Variants in PDIA6 observed in about 807,000 individuals in gnomAD.
PDIA6 encodes protein disulfide-isomerase A6.
PDIA6 carries 29 observed loss-of-function variants against 58.4 expected under a neutral mutation model. The ratio of observed to expected loss-of-function variants is 0.50; its 90% CI spans 0.37 to 0.68. The LOEUF (loss-of-function observed/expected upper bound fraction) is 0.68. Ranked by LOEUF, PDIA6 falls within the 30% of genes least tolerant of loss-of-function variation. The probability of loss-of-function intolerance (pLI) is 0.00; values close to 1 mark genes in which losing one functional copy is unlikely to be tolerated. For missense variants in PDIA6, 480 were observed against 551.0 expected, an observed-to-expected ratio of 0.87 and a Z score of 1.29; for synonymous variants, 192 against 202.6, an observed-to-expected ratio of 0.95 and a Z score of 0.44.
intron 1 of PDIA6, among the ~76,000 whole-genome samples, chr2:10,827,537 A>T (rs1667584600): frequency 6.6e-6 from 1 of 152,066 alleles, no homozygotes; most frequent in Non-Finnish European, 1.5e-5. Flanking sequence ...CAGAAGAAAT[A>T]TAAGGGCTGG....
At chr2:10,819,274 C>A (rs775446816) in exon 2 of PDIA6, 21 of 1,514,328 alleles carry the variant, frequency 1.4e-5, no homozygotes, top group Non-Finnish European at 1.9e-5. Flanking sequence ...CTCTACTTAC[C>A]GGGTGCATTA....
intron 1 of PDIA6, chr2:10,810,445 GT>G: frequency 7.3e-7 from 1 of 1,365,278 alleles, no homozygotes; most frequent in Non-Finnish European, 9.4e-7. Flanking sequence ...ACAGACCAGG[GT>G]TTTTCACCTT....
intron 8 of PDIA6, among the ~76,000 whole-genome samples, chr2:10,789,386 G>C (rs1665929914): frequency 6.6e-6 from 1 of 151,304 alleles, no homozygotes; most frequent in South Asian, 2.1e-4. Context: ...CTACCTCTCA[G>C]TGTTCATGTG....
chr2:10,789,984 T>A (rs1572654218), intron 7 of PDIA6, 95 bp from the exon 8 acceptor site: 2 of 320,374 alleles, frequency 6.2e-6, no homozygotes, highest in Non-Finnish European at 9.2e-6. Flanking sequence ...TAGGTAATTT[T>A]TTTTTTTTTT....
intron 2 of PDIA6, among the ~76,000 whole-genome samples, chr2:10,798,219 G>C (rs1036638978): frequency 4.6e-5 from 7 of 151,730 alleles, no homozygotes; most frequent in Admixed American, 3.3e-4. Context: ...AGTAAAATAG[G>C]ATCAGCAACC....
upstream of PDIA6, among the ~76,000 whole-genome samples, chr2:10,836,890 G>A (rs1259729443): frequency 6.6e-6 from 1 of 152,158 alleles, no homozygotes; most frequent in Non-Finnish European, 1.5e-5. Context: ...GTTAGAACGT[G>A]GGGTCCCATG....
chr2:10,797,352 G>GA (rs1666311376), intron 3 of PDIA6, 145 bp from the exon 4 acceptor site: 5 of 717,794 alleles, frequency 7.0e-6, no homozygotes, highest in South Asian at 6.0e-5. Context: ...CTTTAGCCTT[G>GA]AACACCAGAA....
At chr2:10,820,968 C>T (rs1667369921) in intron 1 of PDIA6, 1 of 666,006 alleles carries the variant, frequency 1.5e-6, no homozygotes, top group Non-Finnish European at 2.8e-6. Context: ...GGTTTGGAAA[C>T]TGACCCTGGT....
upstream of PDIA6, among the ~76,000 whole-genome samples, chr2:10,836,015 T>G (rs1043469497): frequency 6.6e-6 from 1 of 151,182 alleles, no homozygotes; most frequent in African/African-American, 2.4e-5. Flanking sequence ...CGAGCCACAC[T>G]GCACTCCATC....
chr2:10,799,150 G>A (rs1018194735), intron 2 of PDIA6, among the ~76,000 whole-genome samples: 6 of 152,152 alleles, frequency 3.9e-5, no homozygotes, highest in African/African-American at 9.7e-5. Context: ...TTACATGTGC[G>A]TAAACCTATT....
At chr2:10,820,664 G>A in intron 1 of PDIA6, 1 of 621,016 alleles carries the variant, frequency 1.6e-6, no homozygotes, top group Non-Finnish European at 2.9e-6. Flanking sequence ...GTTCTGTCGA[G>A]GACTCTTTTG....
intron 1 of PDIA6, among the ~76,000 whole-genome samples, chr2:10,805,751 T>G (rs1666703190): frequency 2.0e-5 from 2 of 100,444 alleles, no homozygotes; most frequent in South Asian, 4.0e-4. Flanking sequence ...TGAGTTCATG[T>G]CCTTTGTAGG....
chr2:10,834,368 G>A (rs376350169), upstream of PDIA6, among the ~76,000 whole-genome samples: 1 of 152,234 alleles, frequency 6.6e-6, no homozygotes, highest in African/African-American at 2.4e-5. Context: ...CTGGACACGT[G>A]TGCCCTTCTC....
rs140412251 is a variant in PDIA6 at position 10,811,654 on chromosome 2, G to A, written c.19+1024C>T. 2.5e-3 allele frequency among the ~76,000 whole-genome samples: 383 copies of A among 152,348 alleles called. 1 individual carries two copies. The highest frequency in any genetic ancestry group is 8.9e-3 in the African/African-American group (370 of 41,584). ...TCACAGAGCCAGTAAATAGGGGGAAGGTGGTCTGAGGCCAGAGCCGAGGTT... is the reference window on the plus strand; with the variant it reads ...TCACAGAGCCAGTAAATAGGGGGAAAGTGGTCTGAGGCCAGAGCCGAGGTT... On this transcript the variant is annotated intron_variant, in intron 1 of 12. Coordinates refer to ENST00000272227, the MANE Select transcript of PDIA6 (RefSeq NM_005742.4).
At chr2:10,824,302 G>A (rs1047096522) in intron 1 of PDIA6, among the ~76,000 whole-genome samples, 1 of 152,208 alleles carries the variant, frequency 6.6e-6, no homozygotes, top group African/African-American at 2.4e-5. Flanking sequence ...CCCCATCCCT[G>A]GGGGCAGCTT....
rs917573193 is a variant in PDIA6 at position 10,785,007 on chromosome 2, G to A, written c.1181C>T (p.Ser394Phe). The part of the protein sequence containing the change: ...FLRELSFGRG[S>F]TAPVGGGAFP... Reference sequence around the variant, plus strand: ...AGCCCCGCCTCCTACAGGTGCCGTGGAGCCACGCCCAAAAGAGAGCTCCCT... The same window carrying A: ...AGCCCCGCCTCCTACAGGTGCCGTGAAGCCACGCCCAAAAGAGAGCTCCCT... The change falls in exon 12 of 13, where the codon TCC becomes TTC. Residue 394 changes from serine to phenylalanine, a missense_variant. Coordinates refer to ENST00000272227, the MANE Select transcript of PDIA6 (RefSeq NM_005742.4). 4 of 1,582,846 alleles carry A rather than the reference G, an allele frequency of 2.5e-6. No homozygotes were observed. Among genetic ancestry groups the A allele is most frequent in the Admixed American group, 1.8e-5 (1 of 56,310 alleles).
intron 1 of PDIA6, among the ~76,000 whole-genome samples, chr2:10,830,437 T>A (rs1043934833): frequency 6.6e-6 from 1 of 152,214 alleles, no homozygotes; most frequent in Non-Finnish European, 1.5e-5. Context: ...CACCTTTTCC[T>A]GCGGGCACAG....
upstream of PDIA6, among the ~76,000 whole-genome samples, chr2:10,817,479 A>C (rs376953211): frequency 3.3e-5 from 5 of 152,234 alleles, no homozygotes; most frequent in East Asian, 7.7e-4. Flanking sequence ...AAGAGACTGC[A>C]AGCAATGAAA....
At chr2:10,828,788 A>G (rs1667627436) in intron 1 of PDIA6, among the ~76,000 whole-genome samples, 1 of 152,220 alleles carries the variant, frequency 6.6e-6, no homozygotes, top group Non-Finnish European at 1.5e-5. Flanking sequence ...AGGGGGCACA[A>G]AGCCAAATGA....
Sources: allele counts gnomAD v4.1 joint callset (sites outside exome capture counted in the v4.1 genomes callset), GRCh38; gene constraint gnomAD v4.1.1; transcripts MANE v1.5; gene names NCBI Gene and HGNC (gene_info 2026-07-23, HGNC 2026-07-21).